NLRP8: variants seen among roughly 807,000 people sequenced by gnomAD.
The protein encoded by NLRP8 is NACHT, LRR and PYD domains-containing protein 8.
In NLRP8, 86 loss-of-function variants were observed where a neutral mutation model predicts 88.7. The ratio of observed to expected loss-of-function variants is 0.97; its 90% CI spans 0.81 to 1.16. The LOEUF (loss-of-function observed/expected upper bound fraction) is 1.16. Among genes scored for constraint, NLRP8 ranks in the 50% most tolerant of loss-of-function variants. NLRP8 has a pLI of 0.00. For synonymous variants in NLRP8, 504 were observed against 494.6 expected, an observed-to-expected ratio of 1.02 and a Z score of -0.25; for missense variants, 1,342 against 1,286.5, an observed-to-expected ratio of 1.04 and a Z score of -0.66.
intron 6 of NLRP8, among the ~76,000 whole-genome samples, chr19:55,971,297 A>G (rs1184194611): frequency 6.6e-6 from 1 of 151,920 alleles, no homozygotes; most frequent in African/African-American, 2.4e-5. Context: ...AAAATTAGCC[A>G]GGTGTGGTGG....
chr19:55,982,395 AT>A (rs1980612238), intron 9 of NLRP8, among the ~76,000 whole-genome samples: 1 of 152,220 alleles, frequency 6.6e-6, no homozygotes, highest in South Asian at 2.1e-4. Flanking sequence ...CTAAGTGTCC[AT>A]CAACAGATGA....
chr19:55,987,982 C>T lies in NLRP8; in HGVS notation c.*69C>T, dbSNP rs749499231. The stretch of plus-strand genomic sequence containing the variant: ...ACTCTGACAACTGGCAAATACCAGG[C>T]GTTATCATCCTGTATGCATTAACGT... On this transcript the variant is annotated 3_prime_UTR_variant, in exon 10 of 10. Coordinates refer to ENST00000291971, the MANE Select transcript of NLRP8 (RefSeq NM_176811.2). 133 of 1,150,046 alleles carry T rather than the reference C, an allele frequency of 1.2e-4. No individual in the cohort carries two copies. The highest frequency in any genetic ancestry group is 1.6e-4 in the Non-Finnish European group (122 of 762,084). The allele number at this position is 1,150,046 out of a possible 1,614,324, so 71.2% of individuals were successfully genotyped here. A position where few individuals can be genotyped will look rare whatever the true frequency, so the allele number is the denominator to read the frequency against.
intron 3 of NLRP8, 45 bp downstream of exon 3, chr19:55,956,145 G>T: frequency 1.3e-6 from 2 of 1,559,174 alleles, no homozygotes; most frequent in South Asian, 2.5e-5. Flanking sequence ...CTACCCGGAG[G>T]CCTTGACTAT....
Position 55,955,677 on chromosome 19 carries a change from G to A in NLRP8, c.1619G>A (p.Arg540His), listed in dbSNP as rs372284254. ...GTGTTGAGCCACGTGAATATCCAGCGCCTGATAGCGAGTCCCAGAGGAAGC... is the reference window on the plus strand; with the variant it reads ...GTGTTGAGCCACGTGAATATCCAGCACCTGATAGCGAGTCCCAGAGGAAGC... Residue 540 changes from arginine (R) to histidine (H), a missense_variant, in exon 3 of 10, where the codon CGC becomes CAC. Transcript: ENST00000291971. 97 of 1,614,006 alleles carry A rather than the reference G, an allele frequency of 6.0e-5. 2 individuals carry two copies. The highest frequency in any genetic ancestry group is 2.3e-4 in the Admixed American group (14 of 59,984).
chr19:55,956,213 T>C, intron 3 of NLRP8, 113 bp downstream of exon 3: 1 of 1,072,128 alleles, frequency 9.3e-7, no homozygotes, highest in East Asian at 2.4e-5. Context: ...TTTCCTAGCC[T>C]AGTTTGCACA....
chr19:55,952,480 TTCCCTGC>T lies in NLRP8; in HGVS notation c.368-56_368-50del, dbSNP rs58339354. 6.3e-5 allele frequency: 92 copies of T among 1,451,950 alleles called. 1 individual carries two copies. In the East Asian group the frequency reaches 2.0e-3, roughly 32 times the overall value. The allele number at this position is 1,451,950 out of a possible 1,614,324, so 89.9% of individuals were successfully genotyped here. A position where few individuals can be genotyped will look rare whatever the true frequency, so the allele number is the denominator to read the frequency against. On this transcript the variant is annotated intron_variant, in intron 1 of 9. Transcript: ENST00000291971. ...AAAAAGGCCATTGGCTCCATGCTGT[TTCCCTGC>T]TACCAAGATCTTATCATTCCCGTGG... is the stretch of plus-strand genomic sequence containing the variant.
At chr19:55,960,253 A>G (rs560296509) in intron 3 of NLRP8, among the ~76,000 whole-genome samples, 11 of 152,310 alleles carry the variant, frequency 7.2e-5, no homozygotes, top group African/African-American at 2.6e-4. Context: ...CTGCCTGTTC[A>G]GCTGCTAGCG....
At chr19:55,964,834 C>A (rs1298860206) in intron 4 of NLRP8, among the ~76,000 whole-genome samples, 1 of 151,954 alleles carries the variant, frequency 6.6e-6, no homozygotes, top group Non-Finnish European at 1.5e-5. Context: ...AGTCCAAACT[C>A]ATCAAATTGT....
chr19:55,964,248 A>G (rs1300936280), intron 4 of NLRP8, among the ~76,000 whole-genome samples: 2 of 152,224 alleles, frequency 1.3e-5, no homozygotes, highest in Admixed American at 1.3e-4. Context: ...CTATGTGACA[A>G]GCAATGGGCT....
intron 5 of NLRP8, among the ~76,000 whole-genome samples, chr19:55,968,822 C>A (rs1480603765): frequency 1.3e-5 from 2 of 152,196 alleles, no homozygotes; most frequent in African/African-American, 4.8e-5. Flanking sequence ...AAGTGGCACT[C>A]CAGAGGAGGC....
intron 3 of NLRP8, among the ~76,000 whole-genome samples, chr19:55,958,474 C>A (rs1979471059): frequency 6.6e-6 from 1 of 152,142 alleles, no homozygotes; most frequent in Non-Finnish European, 1.5e-5. Flanking sequence ...TTCTCCAGGG[C>A]AGAGGTAAGA....
At chr19:55,954,456 C>A (rs1979236444) in intron 2 of NLRP8, 45 bp from the exon 3 acceptor site, 4 of 1,567,308 alleles carry the variant, frequency 2.6e-6, no homozygotes, top group African/African-American at 1.4e-5. Context: ...TCTTGCAATT[C>A]ACTCTGATGT....
intron 5 of NLRP8, among the ~76,000 whole-genome samples, chr19:55,969,749 C>A (rs140886109): frequency 1.1e-3 from 165 of 152,240 alleles, no homozygotes; most frequent in Non-Finnish European, 1.8e-3. Context: ...CATCTGCCAG[C>A]GTTGCTCCTT....
At chr19:55,962,822 C>G (rs766296121) in intron 4 of NLRP8, among the ~76,000 whole-genome samples, 1 of 152,042 alleles carries the variant, frequency 6.6e-6, no homozygotes, top group Non-Finnish European at 1.5e-5. Context: ...AAATGATCAT[C>G]ACGACAGAGA....
chr19:55,957,022 G>A (rs1238837053), intron 3 of NLRP8, among the ~76,000 whole-genome samples: 1 of 151,954 alleles, frequency 6.6e-6, no homozygotes, highest in Non-Finnish European at 1.5e-5. Context: ...TCAACTCCCG[G>A]CCTCAAGCAA....
chr19:55,971,204 C>A (rs1412181502), intron 6 of NLRP8, among the ~76,000 whole-genome samples: 2 of 152,102 alleles, frequency 1.3e-5, no homozygotes, highest in African/African-American at 4.8e-5. Context: ...CTTTGGGAGG[C>A]CGAGGCGGGC....
At chr19:55,980,826 G>A (rs970980802) in intron 9 of NLRP8, among the ~76,000 whole-genome samples, 5 of 152,172 alleles carry the variant, frequency 3.3e-5, no homozygotes, top group Admixed American at 2.6e-4. Context: ...AGCCATCCAA[G>A]GGTGTGATTT....
At chr19:55,958,260 C>G (rs192950964) in intron 3 of NLRP8, among the ~76,000 whole-genome samples, 3 of 152,298 alleles carry the variant, frequency 2.0e-5, no homozygotes. Context: ...TCCTGTCTTT[C>G]CATGAAAGAC....
At chr19:55,983,651 G>T (rs1568470501) in intron 9 of NLRP8, among the ~76,000 whole-genome samples, 2 of 151,466 alleles carry the variant, frequency 1.3e-5, no homozygotes, top group Non-Finnish European at 1.5e-5. Flanking sequence ...TTGTGCCTTA[G>T]CCAAGTACTC....
Sources: allele counts gnomAD v4.1 joint callset (sites outside exome capture counted in the v4.1 genomes callset), GRCh38; gene constraint gnomAD v4.1.1; transcripts MANE v1.5; gene names NCBI Gene and HGNC (gene_info 2026-07-23, HGNC 2026-07-21).